WBP1L: variants seen among roughly 807,000 people sequenced by gnomAD.
WBP1L encodes WW domain binding protein 1 like, also known as WW domain binding protein 1-like.
WBP1L carries 17 observed loss-of-function variants against 33.7 expected under a neutral mutation model. The ratio of observed to expected loss-of-function variants is 0.50; its 90% CI spans 0.34 to 0.76. The LOEUF is 0.76. WBP1L is among the 30% of genes least tolerant of loss of function. WBP1L has a pLI of 0.01. For synonymous variants in WBP1L, 173 were observed against 190.8 expected (o/e 0.91, Z 0.77); for missense variants, 389 against 469.4 (o/e 0.83, Z 1.58).
intron 1 of WBP1L, among the ~76,000 whole-genome samples, chr10:102,748,257 CA>C (rs560569023): frequency 5.8e-4 from 77 of 132,398 alleles, no homozygotes; most frequent in African/African-American, 1.3e-3. Context: ...GACTCCGTCT[CA>C]AAAAAAAAAA....
chr10:102,778,670 C>T (rs1204397432), intron 1 of WBP1L, among the ~76,000 whole-genome samples: 1 of 152,156 alleles, frequency 6.6e-6, no homozygotes, highest in Non-Finnish European at 1.5e-5. Flanking sequence ...GTTTTGGTTA[C>T]ATATTTTGTA....
intron 1 of WBP1L, among the ~76,000 whole-genome samples, chr10:102,775,117 C>A (rs1460215421): frequency 7.1e-4 from 69 of 97,280 alleles, no homozygotes; most frequent in African/African-American, 1.3e-3. Context: ...GACCCTATCT[C>A]AAAAAAAAAA....
At chr10:102,790,550 G>A (rs571310409) in intron 1 of WBP1L, among the ~76,000 whole-genome samples, 38 of 151,976 alleles carry the variant, frequency 2.5e-4, no homozygotes, top group African/African-American at 7.7e-4. Context: ...TCTCACTGTC[G>A]CCCAGGCTGG....
chr10:102,809,649 A>T (rs1201255649), intron 2 of WBP1L, among the ~76,000 whole-genome samples: 1 of 152,208 alleles, frequency 6.6e-6, no homozygotes, highest in African/African-American at 2.4e-5. Flanking sequence ...GGCATGAGCC[A>T]CCACGCCCGG....
intron 2 of WBP1L, among the ~76,000 whole-genome samples, chr10:102,801,605 T>G (rs1843657874): frequency 6.6e-6 from 1 of 152,066 alleles, no homozygotes; most frequent in Admixed American, 6.6e-5. Context: ...ATCCTGGGGC[T>G]CTCTCCACTC....
chr10:102,769,911 A>G (rs7092340), intron 1 of WBP1L, among the ~76,000 whole-genome samples: 35,786 of 152,116 alleles, frequency 0.24, 4,384 homozygotes, highest in Middle Eastern at 0.35. Context: ...ACCTTGTGGA[A>G]GAGATAAGCT....
At chr10:102,745,487 C>G (rs1484081377) in intron 1 of WBP1L, among the ~76,000 whole-genome samples, 30 of 152,186 alleles carry the variant, frequency 2.0e-4, no homozygotes, top group Admixed American at 2.0e-3. Context: ...CCCCTGGCAA[C>G]CACCCGTCTG....
intron 1 of WBP1L, among the ~76,000 whole-genome samples, chr10:102,760,704 C>T (rs1290320770): frequency 6.6e-6 from 1 of 152,002 alleles, no homozygotes; most frequent in African/African-American, 2.4e-5. Context: ...CAGCATTGCC[C>T]AGAGACTGCT....
At position 102,813,208 on chromosome 10, in the gene WBP1L, C is replaced by A. The variant is rs770640716; in HGVS notation, c.969C>A (p.Ser323=). Residue 323 remains serine, a synonymous_variant, in exon 4 of 4, where the codon TCC becomes TCA. Transcript: ENST00000448841. ...ATGAGGAGGAAGGCCTCTGTCAGTC[C>A]TCTGAGGAGCAGGCTCGAGAGCCTG... is the stretch of plus-strand genomic sequence containing the variant. ...PGDEEEGLCQ[S]SEEQAREPGH... 2 of 1,613,458 alleles carry A rather than the reference C, an allele frequency of 1.2e-6. No homozygotes were observed. The highest frequency in any genetic ancestry group is 1.7e-6 in the Non-Finnish European group (2 of 1,179,992).
In WBP1L at chr10:102,812,878, A is replaced by G. The variant is rs753593558; in HGVS notation, c.639A>G (p.Pro213=). The stretch of plus-strand genomic sequence containing the variant: ...TTGACCGAGCAGCCACCAAAGCCCC[A>G]GGGATGGAGCCCAGTGGCTCTGTGG... ...LPVDRAATKA[P]GMEPSGSVAG... is the part of the protein sequence containing the mutation. The change falls in exon 4 of 4, where the codon CCA becomes CCG. Residue 213 remains proline, a synonymous_variant. Coordinates refer to ENST00000448841, the MANE Select transcript of WBP1L (RefSeq NM_001083913.2). 1.1e-5 allele frequency: 18 copies of G among 1,573,300 alleles called. No individual in the cohort carries two copies. The South Asian group carries it at 1.8e-4, about 15-fold the overall frequency.
intron 1 of WBP1L, among the ~76,000 whole-genome samples, chr10:102,763,289 G>A (rs1021505030): frequency 2.0e-5 from 3 of 151,474 alleles, no homozygotes; most frequent in African/African-American, 7.3e-5. Flanking sequence ...TTCAGTTAGA[G>A]AGTCTGTGCT....
At chr10:102,794,237 C>T (rs571071480) in intron 1 of WBP1L, among the ~76,000 whole-genome samples, 1 of 152,234 alleles carries the variant, frequency 6.6e-6, no homozygotes, top group South Asian at 2.1e-4. Flanking sequence ...TGAGAGGAGA[C>T]ATAGATTTCA....
chr10:102,782,358 G>A (rs1173384644), intron 1 of WBP1L, among the ~76,000 whole-genome samples: 2 of 151,466 alleles, frequency 1.3e-5, no homozygotes, highest in Middle Eastern at 3.2e-3. Flanking sequence ...TATCCAGGAT[G>A]GAGCCAAAGA....
At chr10:102,799,508 C>T (rs543063040) in intron 2 of WBP1L, among the ~76,000 whole-genome samples, 2 of 152,174 alleles carry the variant, frequency 1.3e-5, no homozygotes, top group African/African-American at 4.8e-5. Context: ...GGAACTCAGA[C>T]GAGACAGTGT....
chr10:102,758,287 GT>G (rs199633264), intron 1 of WBP1L, among the ~76,000 whole-genome samples: 1 of 152,120 alleles, frequency 6.6e-6, no homozygotes, highest in East Asian at 1.9e-4. Context: ...TATCCACAAG[GT>G]GAGCCACCAT....
At chr10:102,765,175 A>G (rs1425605390) in intron 1 of WBP1L, among the ~76,000 whole-genome samples, 1 of 152,210 alleles carries the variant, frequency 6.6e-6, no homozygotes, top group Non-Finnish European at 1.5e-5. Context: ...TCAGGTTTCT[A>G]TGACCAGGCA....
chr10:102,814,870 A>C lies in WBP1L; in HGVS notation c.*1539A>C, dbSNP rs1564773439. 6.6e-6 allele frequency: 1 copy of C among 152,634 alleles called. No homozygotes were observed. The highest frequency in any genetic ancestry group is 1.5e-5 in the Non-Finnish European group (1 of 68,040). The allele number at this position is 152,634 out of a possible 1,614,324, so 9.5% of individuals were successfully genotyped here. On this transcript the variant is annotated 3_prime_UTR_variant, in exon 4 of 4. Coordinates refer to ENST00000448841, the MANE Select transcript of WBP1L (RefSeq NM_001083913.2). ...AAGCATTGATGTTATGGAAGAAAGA[A>C]AGAAACAAACAAAATATATATATAT...
Position 102,815,517 on chromosome 10 carries a change from C to A in WBP1L, c.*2186C>A, listed in dbSNP as rs1044824849. 9 of 152,268 alleles carry A rather than the reference C, an allele frequency of 5.9e-5. No homozygotes were observed. The highest frequency in any genetic ancestry group is 2.2e-4 in the African/African-American group (9 of 41,460). The allele number at this position is 152,268 out of a possible 1,614,324, so 9.4% of individuals were successfully genotyped here. A position where few individuals can be genotyped will look rare whatever the true frequency, so the allele number is the denominator to read the frequency against. Reference sequence around the variant, plus strand: ...CAGACATCGGCCCTGCCCAGAATTGCCAGGAGGAGGCTTTGCAGGCTCTAG... The same window carrying A: ...CAGACATCGGCCCTGCCCAGAATTGACAGGAGGAGGCTTTGCAGGCTCTAG... On this transcript the variant is annotated 3_prime_UTR_variant, in exon 4 of 4. Transcript: ENST00000448841.
intron 1 of WBP1L, among the ~76,000 whole-genome samples, chr10:102,766,125 C>G (rs1471153838): frequency 6.6e-6 from 1 of 152,004 alleles, no homozygotes; most frequent in Non-Finnish European, 1.5e-5. Flanking sequence ...CATAGGAAGA[C>G]CCTGCCTCTA....
Sources: allele counts gnomAD v4.1 joint callset (sites outside exome capture counted in the v4.1 genomes callset), GRCh38; gene constraint gnomAD v4.1.1; transcripts MANE v1.5; gene names NCBI Gene and HGNC (gene_info 2026-07-23, HGNC 2026-07-21).